MAD1L1: variants seen among roughly 807,000 people sequenced by gnomAD.
MAD1L1 encodes the protein mitotic spindle assembly checkpoint protein MAD1.
Under a neutral mutation model 96.9 loss-of-function variants are expected in MAD1L1, and 95 were observed. The observed-to-expected ratio is 0.98, with a 90% CI of 0.83 to 1.16. The LOEUF (loss-of-function observed/expected upper bound fraction) is 1.16. Ranked by LOEUF, MAD1L1 falls within the 50% of genes most tolerant of loss-of-function variation. The pLI is 0.00. For synonymous variants in MAD1L1, 473 were observed against 396.6 expected, an observed-to-expected ratio of 1.19 and a Z score of -2.29; for missense variants, 1,007 against 954.4, an observed-to-expected ratio of 1.06 and a Z score of -0.73.
At chr7:1,858,584 C>T (rs374091529) in intron 18 of MAD1L1, among the ~76,000 whole-genome samples, 2 of 152,352 alleles carry the variant, frequency 1.3e-5, no homozygotes, top group East Asian at 3.9e-4. Flanking sequence ...GTCCCGGCAC[C>T]AGGACGCCCG....
At position 1,843,994 on chromosome 7, in the gene MAD1L1, TGTGAGTGGGGCCGG is replaced by T. The variant is rs138698896; in HGVS notation, c.1999-27780_1999-27767del. Reference sequence around the variant, plus strand: ...GAGGGGCCTGAGCACACACTCAGGATGTGAGTGGGGCCGGGAAGGGCAGCAAGTGGAGCCTATGC... The same window carrying T: ...GAGGGGCCTGAGCACACACTCAGGATGAAGGGCAGCAAGTGGAGCCTATGC... On this transcript the variant is annotated intron_variant, in intron 18 of 18. Transcript: ENST00000265854. Among the ~76,000 whole-genome samples, 719 of 152,252 alleles carry T rather than the reference TGTGAGTGGGGCCGG, an allele frequency of 4.7e-3. 6 individuals are homozygous for T. The highest frequency in any genetic ancestry group is 0.016 in the African/African-American group (683 of 41,548).
intron 11 of MAD1L1, among the ~76,000 whole-genome samples, chr7:2,138,286 G>C (rs534859017): frequency 6.6e-6 from 1 of 152,170 alleles, no homozygotes; most frequent in Non-Finnish European, 1.5e-5. Context: ...TGCCCCAGGG[G>C]ACGTGCTCCC....
chr7:1,833,617 G>A (rs1195397882), intron 18 of MAD1L1, among the ~76,000 whole-genome samples: 1 of 152,238 alleles, frequency 6.6e-6, no homozygotes, highest in Non-Finnish European at 1.5e-5. Context: ...TACCAAGGCA[G>A]TAACATTCTG....
chr7:2,199,093 A>G (rs968433256), intron 10 of MAD1L1, among the ~76,000 whole-genome samples: 2 of 152,210 alleles, frequency 1.3e-5, no homozygotes, highest in Non-Finnish European at 2.9e-5. Flanking sequence ...TGCCAGCCTG[A>G]GAAAGATGCG....
At chr7:2,138,436 G>C (rs925665963) in intron 11 of MAD1L1, among the ~76,000 whole-genome samples, 1 of 152,246 alleles carries the variant, frequency 6.6e-6, no homozygotes, top group Non-Finnish European at 1.5e-5. Flanking sequence ...GCCAGACCAA[G>C]TGGCCTAGAG....
chr7:1,913,060 G>A (rs1029655005), intron 17 of MAD1L1, among the ~76,000 whole-genome samples: 5 of 152,198 alleles, frequency 3.3e-5, no homozygotes, highest in Admixed American at 1.3e-4. Context: ...GGTCATTTTC[G>A]AGTCAATCTG....
At chr7:1,887,901 ATG>A (rs1339523885) in intron 18 of MAD1L1, among the ~76,000 whole-genome samples, 1 of 78,262 alleles carries the variant, frequency 1.3e-5, no homozygotes, top group Non-Finnish European at 2.4e-5. Context: ...CTGCCTGTGC[ATG>A]TGTGTGCATG....
At chr7:2,086,905 G>A (rs73032337) in intron 11 of MAD1L1, among the ~76,000 whole-genome samples, 4,129 of 152,292 alleles carry the variant, frequency 0.027, 98 homozygotes, top group South Asian at 0.089. Context: ...GAGAAATCAC[G>A]TGCAGGAAGA....
intron 12 of MAD1L1, among the ~76,000 whole-genome samples, chr7:2,044,933 C>T (rs1293325927): frequency 6.6e-6 from 1 of 152,170 alleles, no homozygotes; most frequent in Non-Finnish European, 1.5e-5. Flanking sequence ...TGTCACCTCC[C>T]CACTCTGATG....
chr7:1,990,509 T>A (rs1781360686), intron 14 of MAD1L1, among the ~76,000 whole-genome samples: 1 of 152,208 alleles, frequency 6.6e-6, no homozygotes, highest in African/African-American at 2.4e-5. Context: ...ACCCAGACAT[T>A]TCCTCGTGAG....
intron 10 of MAD1L1, among the ~76,000 whole-genome samples, chr7:2,197,769 T>C (rs1792070223): frequency 6.6e-6 from 1 of 152,256 alleles, no homozygotes; most frequent in Non-Finnish European, 1.5e-5. Flanking sequence ...CTAGGAGCCA[T>C]GCAGGCCTGA....
chr7:1,959,854 G>A (rs1022335229), intron 15 of MAD1L1, among the ~76,000 whole-genome samples: 16 of 152,120 alleles, frequency 1.1e-4, no homozygotes, highest in African/African-American at 1.4e-4. Context: ...AGATCTGCAC[G>A]GAGAACCAGG....
rs117242441 is a variant in MAD1L1 at position 1,862,158 on chromosome 7, G to A, written c.1998+36042C>T. Among the ~76,000 whole-genome samples the A allele has an allele frequency of 3.4e-3, 519 of 152,314 alleles. 10 individuals carry two copies. The highest frequency in any genetic ancestry group is 0.011 in the East Asian group (59 of 5,184). On this transcript the variant is annotated intron_variant, in intron 18 of 18. Transcript: ENST00000265854. The stretch of plus-strand genomic sequence containing the variant: ...GGTGTCTGGGGCGTCCCCAAGAGCG[G>A]CACCCCGCAGCCTCGGTGCTCTGGA...
chr7:1,900,754 T>TTGGTA (rs1787192998), intron 17 of MAD1L1, among the ~76,000 whole-genome samples: 1 of 150,880 alleles, frequency 6.6e-6, no homozygotes, highest in African/African-American at 2.5e-5. Flanking sequence ...GAATTAGATT[T>TTGGTA]TGGTAATAAA....
chr7:1,950,987 G>A (rs1425603767), intron 16 of MAD1L1, among the ~76,000 whole-genome samples: 1 of 152,236 alleles, frequency 6.6e-6, no homozygotes, highest in African/African-American at 2.4e-5. Flanking sequence ...ATGCTTCCTG[G>A]GAGGAGGAGG....
At chr7:2,217,857 C>A (rs2114998543) in intron 7 of MAD1L1, 105 bp downstream of exon 7, 1 of 959,176 alleles carries the variant, frequency 1.0e-6, no homozygotes, top group Non-Finnish European at 1.7e-6. Context: ...GCTAACCTCA[C>A]AGAAGGACCA....
At chr7:1,933,014 T>C (rs536960173) in intron 17 of MAD1L1, among the ~76,000 whole-genome samples, 1 of 152,386 alleles carries the variant, frequency 6.6e-6, no homozygotes, top group Non-Finnish European at 1.5e-5. Context: ...CCCTGTTGTT[T>C]GGTTGCTGAA....
intron 10 of MAD1L1, among the ~76,000 whole-genome samples, chr7:2,164,602 G>GA (rs1294158733): frequency 7.7e-5 from 11 of 142,172 alleles, no homozygotes; most frequent in Admixed American, 2.1e-4. Context: ...ATGGGGGGGG[G>GA]GGGGGTTGCG....
At chr7:2,012,303 A>T (rs1201373512) in intron 13 of MAD1L1, among the ~76,000 whole-genome samples, 1 of 152,200 alleles carries the variant, frequency 6.6e-6, no homozygotes, top group Non-Finnish European at 1.5e-5. Context: ...TGACGAGCCA[A>T]TCACAGTGCA....
Sources: allele counts gnomAD v4.1 joint callset (sites outside exome capture counted in the v4.1 genomes callset), GRCh38; gene constraint gnomAD v4.1.1; transcripts MANE v1.5; gene names NCBI Gene and HGNC (gene_info 2026-07-23, HGNC 2026-07-21).